Variants in CDH8 observed in about 807,000 individuals in gnomAD.
The protein encoded by CDH8 is cadherin 8.
CDH8 carries 17 observed loss-of-function variants against 68.1 expected under a neutral mutation model. The observed-to-expected ratio is 0.25, with a 90% CI of 0.17 to 0.37. The LOEUF (loss-of-function observed/expected upper bound fraction) is 0.37. Among genes scored for constraint, CDH8 ranks in the 10% least tolerant of loss-of-function variants. The pLI is 1.00. For synonymous variants in CDH8, 372 were observed against 365.1 expected (o/e 1.02, Z -0.21); for missense variants, 763 against 999.3 (o/e 0.76, Z 3.19).
At chr16:61,917,612 C>A (rs1310976136) in intron 2 of CDH8, among the ~76,000 whole-genome samples, 1 of 152,120 alleles carries the variant, frequency 6.6e-6, no homozygotes, top group Non-Finnish European at 1.5e-5. Context: ...TCCCTTGCTG[C>A]CTATCTGTAA....
chr16:61,681,520 G>T (rs776277319), intron 10 of CDH8, among the ~76,000 whole-genome samples: 2 of 151,218 alleles, frequency 1.3e-5, no homozygotes, highest in Non-Finnish European at 2.9e-5. Context: ...GCAGCTCGTG[G>T]TGTAAACAGA....
intron 2 of CDH8, among the ~76,000 whole-genome samples, chr16:61,963,290 A>C (rs1965190590): frequency 6.6e-6 from 1 of 152,178 alleles, no homozygotes; most frequent in African/African-American, 2.4e-5. Context: ...CAGTGCAGTA[A>C]TTGACACAAG....
At chr16:61,994,240 C>T (rs1019181273) in intron 2 of CDH8, among the ~76,000 whole-genome samples, 1 of 152,100 alleles carries the variant, frequency 6.6e-6, no homozygotes, top group Non-Finnish European at 1.5e-5. Context: ...TGTAATAAAT[C>T]CCATATTGTA....
intron 2 of CDH8, among the ~76,000 whole-genome samples, chr16:61,920,268 T>G (rs1475039243): frequency 7.7e-6 from 1 of 129,542 alleles, no homozygotes; most frequent in East Asian, 2.3e-4. Flanking sequence ...CTAATTAAAC[T>G]AAAGAGCTTC....
intron 10 of CDH8, among the ~76,000 whole-genome samples, chr16:61,686,903 C>T (rs1014923703): frequency 1.3e-5 from 2 of 151,582 alleles, no homozygotes; most frequent in Non-Finnish European, 2.9e-5. Context: ...GCTTTTGAAA[C>T]AACAGAAAAA....
At chr16:61,654,147 T>C in intron 11 of CDH8, 46 bp from the exon 12 acceptor site, 1 of 1,556,136 alleles carries the variant, frequency 6.4e-7, no homozygotes, top group Non-Finnish European at 8.7e-7. Context: ...AAGCATATAA[T>C]TTCACAAGCA....
chr16:61,896,741 C>G (rs1237144863), intron 3 of CDH8, among the ~76,000 whole-genome samples: 1 of 152,050 alleles, frequency 6.6e-6, no homozygotes, highest in African/African-American at 2.4e-5. Context: ...AAGGAAAGGT[C>G]CAAAGGTAAG....
chr16:61,862,832 G>A (rs758721462), intron 3 of CDH8, among the ~76,000 whole-genome samples: 2 of 152,178 alleles, frequency 1.3e-5, no homozygotes, highest in Non-Finnish European at 2.9e-5. Context: ...AAAGCTGCAA[G>A]TGTTGGTGTG....
At chr16:61,744,120 T>C (rs1959953941) in intron 8 of CDH8, among the ~76,000 whole-genome samples, 1 of 152,126 alleles carries the variant, frequency 6.6e-6, no homozygotes, top group Non-Finnish European at 1.5e-5. Context: ...TCTGTAACTC[T>C]TTCGTGCAGT....
chr16:61,736,489 T>C (rs1289697454), intron 8 of CDH8, among the ~76,000 whole-genome samples: 3 of 152,178 alleles, frequency 2.0e-5, no homozygotes, highest in Admixed American at 2.0e-4. Context: ...AGATGAATGT[T>C]TATCCCAGGT....
At chr16:61,936,973 T>C (rs1964637476) in intron 2 of CDH8, among the ~76,000 whole-genome samples, 1 of 152,124 alleles carries the variant, frequency 6.6e-6, no homozygotes, top group South Asian at 2.1e-4. Flanking sequence ...AAAATAGCAA[T>C]GGCTAGGCAT....
intron 3 of CDH8, among the ~76,000 whole-genome samples, chr16:61,886,632 AC>A (rs1449648061): frequency 6.6e-6 from 1 of 152,208 alleles, no homozygotes; most frequent in African/African-American, 2.4e-5. Flanking sequence ...AAGAAGTTTC[AC>A]AGTCTCTCAC....
At chr16:61,762,766 T>C (rs1360777161) in intron 8 of CDH8, among the ~76,000 whole-genome samples, 1 of 152,120 alleles carries the variant, frequency 6.6e-6, no homozygotes, top group African/African-American at 2.4e-5. Context: ...AAATGTGTAT[T>C]ATATATGAAT....
intron 2 of CDH8, among the ~76,000 whole-genome samples, chr16:61,922,399 A>G (rs1023814690): frequency 2.6e-5 from 4 of 152,258 alleles, no homozygotes; most frequent in African/African-American, 9.6e-5. Flanking sequence ...TACAGAGCAA[A>G]ATAAAACACT....
At chr16:61,680,554 A>ATT (rs201259007) in intron 10 of CDH8, among the ~76,000 whole-genome samples, 20,573 of 151,806 alleles carry the variant, frequency 0.14, 1,568 homozygotes, top group African/African-American at 0.2. Context: ...GGGGGACTTG[A>ATT]ACTTGTGGAT....
At chr16:61,789,548 C>A in intron 7 of CDH8, 66 bp from the exon 8 acceptor site, 1 of 1,392,694 alleles carries the variant, frequency 7.2e-7, no homozygotes, top group Non-Finnish European at 9.7e-7. Context: ...CACAGCAGAC[C>A]TTTAGTAATC....
intron 3 of CDH8, among the ~76,000 whole-genome samples, chr16:61,882,670 A>T (rs1963599890): frequency 6.6e-6 from 1 of 152,168 alleles, no homozygotes. Context: ...GAGCTAGATA[A>T]TGAGAGCACA....
chr16:61,684,936 T>TTC (rs1239032140), intron 10 of CDH8, among the ~76,000 whole-genome samples: 1 of 151,852 alleles, frequency 6.6e-6, no homozygotes, highest in Non-Finnish European at 1.5e-5. Flanking sequence ...ATTCTACTCC[T>TTC]TCTCTCTCTC....
chr16:62,003,065 A>T (rs1965919105), intron 2 of CDH8, among the ~76,000 whole-genome samples: 1 of 152,142 alleles, frequency 6.6e-6, no homozygotes, highest in Non-Finnish European at 1.5e-5. Context: ...AAAAAAAATC[A>T]GAAATGTTTG....
Sources: allele counts gnomAD v4.1 joint callset (sites outside exome capture counted in the v4.1 genomes callset), GRCh38; gene constraint gnomAD v4.1.1; transcripts MANE v1.5; gene names NCBI Gene and HGNC (gene_info 2026-07-23, HGNC 2026-07-21).